GLTP: variants seen among roughly 807,000 people sequenced by gnomAD.
GLTP encodes glycolipid transfer protein.
A neutral mutation model predicts 24.0 loss-of-function variants in GLTP; 22 were observed. The ratio of observed to expected loss-of-function variants is 0.92; its 90% CI spans 0.65 to 1.31. GLTP has a LOEUF of 1.31. GLTP is among the 50% of genes most tolerant of loss of function. GLTP has a pLI of 0.00. For missense variants in GLTP, 224 were observed against 276.6 expected (o/e 0.81, Z 1.35); for synonymous variants, 92 against 115.9 (o/e 0.79, Z 1.33).
At chr12:109,869,831 G>A (rs555990975) in intron 1 of GLTP, among the ~76,000 whole-genome samples, 10 of 146,772 alleles carry the variant, frequency 6.8e-5, no homozygotes, top group Non-Finnish European at 1.5e-4. Flanking sequence ...GTGCAGTGGC[G>A]CGATCTCGGC....
At chr12:109,863,963 G>C (rs1868442738) in intron 1 of GLTP, among the ~76,000 whole-genome samples, 1 of 152,246 alleles carries the variant, frequency 6.6e-6, no homozygotes, top group African/African-American at 2.4e-5. Flanking sequence ...GTTCTGAGCA[G>C]CCCTGCCCTG....
At chr12:109,860,683 TATA>T (rs1238743711) in intron 1 of GLTP, among the ~76,000 whole-genome samples, 2 of 152,138 alleles carry the variant, frequency 1.3e-5, no homozygotes, top group Admixed American at 6.5e-5. Flanking sequence ...CTTGGTGGGT[TATA>T]ATATGTCGGA....
At chr12:109,858,257 T>C in intron 2 of GLTP, 1 of 458,208 alleles carries the variant, frequency 2.2e-6, no homozygotes, top group Non-Finnish European at 4.4e-6. Flanking sequence ...AATGAGATCA[T>C]GCAGTGTGTC....
intron 3 of GLTP, among the ~76,000 whole-genome samples, chr12:109,856,787 C>T (rs948004465): frequency 5.3e-5 from 8 of 152,176 alleles, no homozygotes; most frequent in African/African-American, 1.2e-4. Flanking sequence ...CGGCCGGGCA[C>T]GGTGCCTCAC....
rs7298933 is a variant in GLTP at position 109,855,817 on chromosome 12, T to A, written c.297-48A>T. On this transcript the variant is annotated intron_variant, in intron 3 of 4. Transcript: ENST00000318348. This position sits in a 1 kb window ranked among gnomAD's most constrained non-coding sequence, Gnocchi z 4.1. Reference sequence around the variant, plus strand: ...TTCGTTAGGACCCTGCACAGCCCTGTCGTGAAAGACCCTGATGGACTCTGA... The same window carrying A: ...TTCGTTAGGACCCTGCACAGCCCTGACGTGAAAGACCCTGATGGACTCTGA... 21,717 of 1,463,600 alleles carry A rather than the reference T, an allele frequency of 0.015. 488 individuals carry two copies. The highest frequency in any genetic ancestry group is 0.11 in the African/African-American group (7,537 of 69,858). The allele number at this position is 1,463,600 out of a possible 1,614,324, so 90.7% of individuals were successfully genotyped here.
intron 2 of GLTP, among the ~76,000 whole-genome samples, chr12:109,858,361 G>T (rs1177715655): frequency 6.6e-6 from 1 of 152,224 alleles, no homozygotes; most frequent in Non-Finnish European, 1.5e-5. Context: ...GAAGGGGAAG[G>T]CCAGACCAGT....
chr12:109,852,911 G>C (rs1278835481), intron 4 of GLTP, among the ~76,000 whole-genome samples, 174 bp from the exon 5 acceptor site: 1 of 151,668 alleles, frequency 6.6e-6, no homozygotes. Flanking sequence ...GCGACAGCAG[G>C]AAGGACATCA....
chr12:109,865,496 T>G (rs965145175), intron 1 of GLTP, among the ~76,000 whole-genome samples: 1 of 151,776 alleles, frequency 6.6e-6, no homozygotes, highest in African/African-American at 2.4e-5. Flanking sequence ...GGCATAATGG[T>G]GCACATCTGT....
intron 1 of GLTP, among the ~76,000 whole-genome samples, chr12:109,870,162 C>T (rs1422205178): frequency 6.6e-6 from 1 of 151,982 alleles, no homozygotes; most frequent in Admixed American, 6.6e-5. Flanking sequence ...CTAGTAAGTG[C>T]TCAGTGAAAA....
At chr12:109,879,357 G>C in intron 1 of GLTP, among the ~76,000 whole-genome samples, 1 of 152,182 alleles carries the variant, frequency 6.6e-6, no homozygotes, top group East Asian at 1.9e-4. Flanking sequence ...GCAAAGGGCA[G>C]GGGCAGTGGT....
At chr12:109,877,912 C>T (rs9888429) in intron 1 of GLTP, among the ~76,000 whole-genome samples, 23,428 of 152,184 alleles carry the variant, frequency 0.15, 3,060 homozygotes, top group African/African-American at 0.36. Context: ...ATGGTTCAAA[C>T]GAACTATCAC....
chr12:109,861,370 C>T (rs1359554457), intron 1 of GLTP, among the ~76,000 whole-genome samples: 1 of 152,230 alleles, frequency 6.6e-6, no homozygotes, highest in Non-Finnish European at 1.5e-5. Context: ...AAGCAAGTCT[C>T]CTCGCCGCTG....
Position 109,857,573 on chromosome 12 carries a change from T to G in GLTP, c.249A>C (p.Ala83=), listed in dbSNP as rs1308696433. The part of the protein sequence containing the change: ...ILEVEKEMYG[A]EWPKVGATLA... The stretch of plus-strand genomic sequence containing the variant: ...GTGTGGCCCCTACTTTGGGCCACTC[T>G]GCTCCATACATTTCTTTCTCCACCT... The change falls in exon 3 of 5, where the codon GCA becomes GCC. Residue 83 remains alanine (A), a synonymous_variant. Coordinates refer to ENST00000318348, the MANE Select transcript of GLTP (RefSeq NM_016433.4). This position sits in a 1 kb window ranked among gnomAD's most constrained non-coding sequence, Gnocchi z 4.3. 1.2e-6 allele frequency: 2 copies of G among 1,614,016 alleles called. No homozygotes were observed. Among genetic ancestry groups the G allele is most frequent in the African/African-American group, 2.7e-5 (2 of 74,940 alleles).
rs573847847 is a variant in GLTP, at chr12:109,873,331, A to G, written c.103+6941T>C. ...GTTCCCAGTTAGCCTGATGTCCCAGATGAAGGAAAAGCCAGAGCTGAGGCT... is the reference window on the plus strand; with the variant it reads ...GTTCCCAGTTAGCCTGATGTCCCAGGTGAAGGAAAAGCCAGAGCTGAGGCT... On this transcript the variant is annotated intron_variant, in intron 1 of 4. Transcript: ENST00000318348. Among the ~76,000 whole-genome samples, 297 of 152,250 alleles carry G rather than the reference A, an allele frequency of 2.0e-3. 3 individuals are homozygous for G. The highest frequency in any genetic ancestry group is 6.8e-3 in the African/African-American group (284 of 41,566).
At chr12:109,867,629 A>C (rs1868569533) in intron 1 of GLTP, among the ~76,000 whole-genome samples, 1 of 152,204 alleles carries the variant, frequency 6.6e-6, no homozygotes, top group Non-Finnish European at 1.5e-5. Context: ...CATTGCCCAG[A>C]AAGCAGAATT....
At chr12:109,864,975 G>A (rs976770349) in intron 1 of GLTP, among the ~76,000 whole-genome samples, 2 of 152,258 alleles carry the variant, frequency 1.3e-5, no homozygotes, top group Admixed American at 6.5e-5. Flanking sequence ...CAGCTCCCCA[G>A]AAGCTGGGAT....
intron 1 of GLTP, among the ~76,000 whole-genome samples, chr12:109,872,556 C>T (rs1793718976): frequency 6.6e-6 from 1 of 152,176 alleles, no homozygotes; most frequent in Non-Finnish European, 1.5e-5. Context: ...CCCTCCATAG[C>T]CCTCCTTCCA....
rs1196034052 is a variant in GLTP, at chr12:109,880,520, G to C, written c.-146C>G. 1 of 182,528 alleles carries C rather than the reference G, an allele frequency of 5.5e-6. No individual in the cohort carries two copies. 11.3% of individuals were successfully genotyped at this position (182,528 alleles called of 1,614,324 possible). A position where few individuals can be genotyped will look rare whatever the true frequency, so the allele number is the denominator to read the frequency against. On this transcript the variant is annotated 5_prime_UTR_variant, in exon 1 of 5. Coordinates refer to ENST00000318348, the MANE Select transcript of GLTP (RefSeq NM_016433.4). This position sits in a 1 kb window ranked among gnomAD's most constrained non-coding sequence, Gnocchi z 5.1. ...CAGCGTCGCCACTTCCGCCCGCACG[G>C]CGCCCTCGTAGCCGAGCGCTCAGCG...
At position 109,852,429 on chromosome 12, in the gene GLTP, CA is replaced by C. The variant is rs1352674632; in HGVS notation, c.*125del. 1 of 610,024 alleles carries C rather than the reference CA, an allele frequency of 1.6e-6. No homozygotes were observed. Among genetic ancestry groups the C allele is most frequent in the Non-Finnish European group, 2.9e-6 (1 of 340,056 alleles). The allele number at this position is 610,024 out of a possible 1,614,324, so 37.8% of individuals were successfully genotyped here. On this transcript the variant is annotated 3_prime_UTR_variant, in exon 5 of 5. Transcript: ENST00000318348. ...GAGGGCTGTCCCCTGCAGACTCTGG[CA>C]GGACCCTGGGCTGCTCTGGGGGACA...
Sources: gnomAD v4.1 joint callset for allele counts (sites outside exome capture counted in the v4.1 genomes callset) on GRCh38, gnomAD v4.1.1 for gene constraint, Gnocchi (gnomAD v3.1) non-coding constraint, MANE v1.5 for transcripts, NCBI Gene and HGNC (gene_info 2026-07-23, HGNC 2026-07-21) for gene names.